Variants in RGS7BP observed in about 807,000 individuals in gnomAD.
RGS7BP encodes regulator of G protein signaling 7-binding protein.
RGS7BP carries 9 observed loss-of-function variants against 31.3 expected under a neutral mutation model. The ratio of observed to expected loss-of-function variants is 0.29; its 90% confidence interval spans 0.17 to 0.50. RGS7BP has a LOEUF of 0.50. Ranked by LOEUF, RGS7BP falls within the 20% of genes least tolerant of loss-of-function variation. The pLI is 0.98. For missense variants in RGS7BP, 274 were observed against 322.0 expected, an observed-to-expected ratio of 0.85 and a Z score of 1.14; for synonymous variants, 115 against 120.1, an observed-to-expected ratio of 0.96 and a Z score of 0.28.
In RGS7BP at chr5:64,610,651, C is replaced by G. The variant is rs1743479648; in HGVS notation, c.*1399C>G. ...TGTGCACAGGCATTTATATGTATAC[C>G]AATATTTTTACCTAAAAACTAAATA... On this transcript the variant is annotated 3_prime_UTR_variant, in exon 6 of 6. Coordinates refer to ENST00000334025, the MANE Select transcript of RGS7BP (RefSeq NM_001029875.3). The G allele has an allele frequency of 6.6e-6, 1 of 151,828 alleles. No individual in the cohort carries two copies. The highest frequency in any genetic ancestry group is 1.5e-5 in the Non-Finnish European group (1 of 67,888). 9.4% of individuals were successfully genotyped at this position (151,828 alleles called of 1,614,324 possible).
intron 2 of RGS7BP, among the ~76,000 whole-genome samples, chr5:64,547,473 G>C (rs562637811): frequency 6.6e-6 from 1 of 152,086 alleles, no homozygotes; most frequent in African/African-American, 2.4e-5. Context: ...CTTCTCAGCT[G>C]GTACTTATAA....
intron 3 of RGS7BP, among the ~76,000 whole-genome samples, chr5:64,593,875 CT>C (rs1434076888): frequency 6.6e-6 from 1 of 152,114 alleles, no homozygotes; most frequent in African/African-American, 2.4e-5. Flanking sequence ...GGATACCCCC[CT>C]ATGGATGCAC....
chr5:64,519,808 T>C (rs272619), intron 2 of RGS7BP, among the ~76,000 whole-genome samples: 97,318 of 152,068 alleles, frequency 0.64, 31,542 homozygotes, highest in East Asian at 0.95. Context: ...TTTTAAAGGC[T>C]GGTATGTTGA....
At chr5:64,553,158 C>T (rs1223123636) in intron 2 of RGS7BP, among the ~76,000 whole-genome samples, 1 of 146,330 alleles carries the variant, frequency 6.8e-6, no homozygotes, top group Non-Finnish European at 1.5e-5. Flanking sequence ...GGACTTCCTT[C>T]CTTTCTTTCT....
intron 2 of RGS7BP, among the ~76,000 whole-genome samples, chr5:64,561,871 G>A (rs888741616): frequency 1.3e-5 from 2 of 152,006 alleles, no homozygotes; most frequent in African/African-American, 2.4e-5. Flanking sequence ...AGCTATTTCC[G>A]TTCTTGAGCT....
chr5:64,604,404 TA>T (rs1743302284), intron 5 of RGS7BP, among the ~76,000 whole-genome samples: 1 of 152,152 alleles, frequency 6.6e-6, no homozygotes, highest in African/African-American at 2.4e-5. Context: ...CATGAAGCCT[TA>T]TAGTTACTCA....
At chr5:64,604,025 C>G (rs1226900019) in intron 5 of RGS7BP, among the ~76,000 whole-genome samples, 8 of 152,172 alleles carry the variant, frequency 5.3e-5, no homozygotes, top group Non-Finnish European at 1.0e-4. Flanking sequence ...GTGGCAAGTG[C>G]AAAGGCAGCA....
At chr5:64,592,394 G>C (rs1742942695) in intron 3 of RGS7BP, among the ~76,000 whole-genome samples, 1 of 152,160 alleles carries the variant, frequency 6.6e-6, no homozygotes, top group African/African-American at 2.4e-5. Context: ...CCATAGGGCT[G>C]TTTCAGGATC....
At chr5:64,563,588 T>C (rs1742103407) in intron 2 of RGS7BP, among the ~76,000 whole-genome samples, 1 of 152,094 alleles carries the variant, frequency 6.6e-6, no homozygotes, top group East Asian at 1.9e-4. Flanking sequence ...TAACAGATGC[T>C]AGGTAGAAGC....
intron 2 of RGS7BP, among the ~76,000 whole-genome samples, chr5:64,566,385 TGAGA>T (rs952914376): frequency 2.0e-5 from 3 of 151,882 alleles, no homozygotes; most frequent in Admixed American, 6.6e-5. Flanking sequence ...CAGTACACCC[TGAGA>T]GAGAGAGAAT....
At position 64,606,039 on chromosome 5, in the gene RGS7BP, T is replaced by TAG. The variant is rs372992231; in HGVS notation, c.683-3102_683-3101dup. On this transcript the variant is annotated intron_variant, in intron 5 of 5. Coordinates refer to ENST00000334025, the MANE Select transcript of RGS7BP (RefSeq NM_001029875.3). ...CTGGATACATATATATATATATATA[T>TAG]AGAGAGAGAGAGAGAGAGAGAAGGC... is the stretch of plus-strand genomic sequence containing the variant. Among the ~76,000 whole-genome samples, 443 of 123,692 alleles carry TAG rather than the reference T, an allele frequency of 3.6e-3. 20 individuals are homozygous for TAG. Among genetic ancestry groups the TAG allele is most frequent in the Middle Eastern group, 8.6e-3 (2 of 232 alleles). The allele number at this position is 123,692 out of a possible 152,430, so 81.1% of individuals were successfully genotyped here. A position where few individuals can be genotyped will look rare whatever the true frequency, so the allele number is the denominator to read the frequency against.
At chr5:64,528,172 G>A (rs1407710264) in intron 2 of RGS7BP, among the ~76,000 whole-genome samples, 1 of 152,166 alleles carries the variant, frequency 6.6e-6, no homozygotes, top group Non-Finnish European at 1.5e-5. Flanking sequence ...GACGGAGAAG[G>A]CATTTCTCCT....
Position 64,507,800 on chromosome 5 carries a change from G to A in RGS7BP, c.255G>A (p.Arg85=), listed in dbSNP as rs762869588. The change falls in exon 2 of 6, where the codon CGG becomes CGA. Residue 85 remains arginine, a synonymous_variant. Coordinates refer to ENST00000334025, the MANE Select transcript of RGS7BP (RefSeq NM_001029875.3). The part of the protein sequence containing the change: ...GDVSVSCPSL[R]AEMHKTRTKG... ...TCTCGGTCAGCTGCCCCTCACTCCG[G>A]GCGGAAATGCACAAGACAAGAACCA... 1.1e-5 allele frequency: 18 copies of A among 1,613,948 alleles called. No homozygotes were observed. The highest frequency in any genetic ancestry group is 7.6e-6 in the Non-Finnish European group (9 of 1,179,966).
chr5:64,580,536 T>C (rs1345948786), intron 3 of RGS7BP, among the ~76,000 whole-genome samples: 1 of 151,784 alleles, frequency 6.6e-6, no homozygotes, highest in African/African-American at 2.4e-5. Context: ...GATCAAGAAA[T>C]TAGTCTCCTT....
At chr5:64,559,734 A>T (rs1452306150) in intron 2 of RGS7BP, among the ~76,000 whole-genome samples, 1 of 152,170 alleles carries the variant, frequency 6.6e-6, no homozygotes, top group Non-Finnish European at 1.5e-5. Flanking sequence ...AGCTTTACCG[A>T]TGCAGTACAT....
intron 4 of RGS7BP, among the ~76,000 whole-genome samples, chr5:64,596,742 G>C (rs1743080308): frequency 6.6e-6 from 1 of 152,108 alleles, no homozygotes; most frequent in Non-Finnish European, 1.5e-5. Flanking sequence ...AGATCCTCAA[G>C]GCTGCTTTCC....
At chr5:64,547,024 G>A (rs1329022473) in intron 2 of RGS7BP, among the ~76,000 whole-genome samples, 1 of 152,156 alleles carries the variant, frequency 6.6e-6, no homozygotes, top group Non-Finnish European at 1.5e-5. Context: ...TCATGTAAAA[G>A]AAATCTTTCA....
intron 3 of RGS7BP, among the ~76,000 whole-genome samples, chr5:64,577,689 T>A (rs543274293): frequency 6.6e-6 from 1 of 152,294 alleles, no homozygotes; most frequent in South Asian, 2.1e-4. Context: ...ACTTATGACA[T>A]CCAAACTGAT....
At chr5:64,536,835 A>G (rs1425529245) in intron 2 of RGS7BP, among the ~76,000 whole-genome samples, 1 of 152,122 alleles carries the variant, frequency 6.6e-6, no homozygotes, top group African/African-American at 2.4e-5. Context: ...ATGAAATAGG[A>G]GGGAAAAAAG....
Sources: gnomAD v4.1 joint callset for allele counts (sites outside exome capture counted in the v4.1 genomes callset) on GRCh38, gnomAD v4.1.1 for gene constraint, MANE v1.5 for transcripts, NCBI Gene and HGNC (gene_info 2026-07-23, HGNC 2026-07-21) for gene names.